FLT3: variants seen among roughly 807,000 people sequenced by gnomAD.
FLT3 encodes fms related receptor tyrosine kinase 3.
Under a neutral mutation model 126.6 loss-of-function variants are expected in FLT3, and 46 were observed. The observed-to-expected ratio is 0.36, with a 90% CI of 0.29 to 0.46. The LOEUF is 0.46. Ranked by LOEUF, FLT3 falls within the 20% of genes least tolerant of loss-of-function variation. FLT3 has a pLI of 1.00. For synonymous variants in FLT3, 404 were observed against 434.4 expected (o/e 0.93, Z 0.87); for missense variants, 1,069 against 1,190.3 (o/e 0.90, Z 1.50).
At chr13:28,054,224 G>T (rs1875804096) in intron 4 of FLT3, among the ~76,000 whole-genome samples, 1 of 152,112 alleles carries the variant, frequency 6.6e-6, no homozygotes, top group South Asian at 2.1e-4. Context: ...AGCACCTATT[G>T]CTTTATAGAC....
intron 1 of FLT3, among the ~76,000 whole-genome samples, chr13:28,086,335 T>G (rs1409100173): frequency 1.3e-5 from 2 of 152,228 alleles, no homozygotes; most frequent in Non-Finnish European, 2.9e-5. Flanking sequence ...GATGTTACAT[T>G]ACTTCGTATC....
In FLT3 at chr13:28,100,090, G is replaced by A. The variant is rs977810108; in HGVS notation, c.43+378C>T. ...GCCAGGAGAGGTCCTTGGCCACCTG[G>A]CGCCGAGTTCGCGGCCGCAGACTCC... On this transcript the variant is annotated intron_variant, in intron 1 of 23. Coordinates refer to ENST00000241453, the MANE Select transcript of FLT3 (RefSeq NM_004119.3). This position sits in a 1 kb window ranked among gnomAD's most constrained non-coding sequence, Gnocchi z 4.8. Among the ~76,000 whole-genome samples the A allele has an allele frequency of 2.0e-5, 3 of 152,114 alleles. No individual in the cohort carries two copies. The highest frequency in any genetic ancestry group is 4.8e-5 in the African/African-American group (2 of 41,452).
At position 28,003,311 on chromosome 13, in the gene FLT3, C is replaced by G. The variant is rs1870604979; in HGVS notation, c.*741G>C. 2 of 232,958 alleles carry G rather than the reference C, an allele frequency of 8.6e-6. No homozygotes were observed. The highest frequency in any genetic ancestry group is 1.8e-4 in the South Asian group (1 of 5,528). 14.4% of individuals were successfully genotyped at this position (232,958 alleles called of 1,614,324 possible). A position where few individuals can be genotyped will look rare whatever the true frequency, so the allele number is the denominator to read the frequency against. On this transcript the variant is annotated 3_prime_UTR_variant, in exon 24 of 24. Transcript: ENST00000241453. ...AGTAACTTTATTGAAAATACTAATCCTCCATGTTACTTCTGACTGGCCCTG... is the reference window on the plus strand; with the variant it reads ...AGTAACTTTATTGAAAATACTAATCGTCCATGTTACTTCTGACTGGCCCTG...
At chr13:28,044,803 C>T (rs1393505112) in intron 9 of FLT3, among the ~76,000 whole-genome samples, 3 of 152,160 alleles carry the variant, frequency 2.0e-5, no homozygotes, top group Admixed American at 6.5e-5. Flanking sequence ...GAACCATGTG[C>T]ATGGTCCTTG....
intron 9 of FLT3, among the ~76,000 whole-genome samples, chr13:28,044,219 T>C (rs1356093704): frequency 6.9e-6 from 1 of 144,250 alleles, no homozygotes; most frequent in African/African-American, 2.6e-5. Context: ...CAGGCCGAGG[T>C]GGGCGTATCA....
intron 1 of FLT3, among the ~76,000 whole-genome samples, chr13:28,096,278 C>A (rs1420299001): frequency 6.6e-6 from 1 of 151,956 alleles, no homozygotes; most frequent in Non-Finnish European, 1.5e-5. Flanking sequence ...TGCTTGAGTC[C>A]GTAAGGCAGA....
At chr13:28,049,872 C>A (rs1216176192) in intron 6 of FLT3, 98 bp from the exon 7 acceptor site, 1 of 1,306,660 alleles carries the variant, frequency 7.7e-7, no homozygotes, top group African/African-American at 1.5e-5. Flanking sequence ...TTAGCATCAT[C>A]TCAAATATTA....
Position 28,024,963 on chromosome 13 carries a change from T to C in FLT3, c.2208-20A>G. 1 of 1,445,928 alleles carries C rather than the reference T, an allele frequency of 6.9e-7. No homozygotes were observed. Among genetic ancestry groups the C allele is most frequent in the Non-Finnish European group, 9.7e-7 (1 of 1,035,724 alleles). 89.6% of individuals were successfully genotyped at this position (1,445,928 alleles called of 1,614,324 possible). On this transcript the variant is annotated intron_variant, in intron 17 of 23. Transcript: ENST00000241453. ...GGCATGCTATTAAAAAATTTTGTTT[T>C]TTCATTATTTACATTATTCTTCTCA...
chr13:28,073,978 A>AT (rs200799308), intron 1 of FLT3, among the ~76,000 whole-genome samples: 1 of 151,616 alleles, frequency 6.6e-6, no homozygotes. Context: ...AAAGAAAACA[A>AT]TTTTTTTTAA....
chr13:28,086,619 C>CGTGTGTGTGTGTGTGT (rs35797346), intron 1 of FLT3, among the ~76,000 whole-genome samples: 2 of 134,834 alleles, frequency 1.5e-5, no homozygotes, highest in Non-Finnish European at 3.2e-5. Context: ...CTGAAGAACT[C>CGTGTGTGTGTGTGTGT]GTGTGTGTGT....
At chr13:28,091,352 G>T (rs1284917234) in intron 1 of FLT3, among the ~76,000 whole-genome samples, 1 of 147,970 alleles carries the variant, frequency 6.8e-6, no homozygotes, top group African/African-American at 2.5e-5. Flanking sequence ...CTCCCGAGTA[G>T]CTGGGACTAC....
At chr13:28,089,243 C>T (rs1225218963) in intron 1 of FLT3, among the ~76,000 whole-genome samples, 2 of 152,198 alleles carry the variant, frequency 1.3e-5, no homozygotes, top group Non-Finnish European at 2.9e-5. Context: ...AATTCTCACA[C>T]ATTGTTGGGG....
At chr13:28,072,957 A>G (rs1430353830) in intron 1 of FLT3, among the ~76,000 whole-genome samples, 1 of 151,772 alleles carries the variant, frequency 6.6e-6, no homozygotes, top group East Asian at 2.0e-4. Flanking sequence ...GTGAGCCAAG[A>G]TCGTGCCACT....
chr13:28,025,295 T>G (rs1872708832), intron 17 of FLT3: 2 of 406,432 alleles, frequency 4.9e-6, no homozygotes, highest in South Asian at 3.9e-5. Context: ...TCGATCTCAT[T>G]CTTTGGTTTC....
chr13:28,030,148 C>G (rs1158679820), intron 15 of FLT3, among the ~76,000 whole-genome samples: 1 of 152,172 alleles, frequency 6.6e-6, no homozygotes, highest in African/African-American at 2.4e-5. Flanking sequence ...ATAGTGGCTT[C>G]TCCGGTGCTG....
At chr13:28,052,524 G>A (rs1381250499) in intron 5 of FLT3, 21 bp downstream of exon 5, 14 of 1,596,748 alleles carry the variant, frequency 8.8e-6, no homozygotes, top group Non-Finnish European at 1.2e-5. Context: ...GAGAATAGCA[G>A]CTACCATGGA....
intron 1 of FLT3, among the ~76,000 whole-genome samples, chr13:28,080,831 T>A (rs1780757694): frequency 6.6e-6 from 1 of 152,250 alleles, no homozygotes; most frequent in African/African-American, 2.4e-5. Flanking sequence ...TTATGACATA[T>A]GGATCAAAGT....
Position 28,033,958 on chromosome 13 carries a change from A to G in FLT3, c.1871T>C (p.Val624Ala), listed in dbSNP as rs780941129. 1 of 1,614,198 alleles carries G rather than the reference A, an allele frequency of 6.2e-7. No individual in the cohort carries two copies. Among genetic ancestry groups the G allele is most frequent in the Non-Finnish European group, 8.5e-7 (1 of 1,180,046 alleles). The change falls in exon 15 of 24, where the codon GTG becomes GCG. Residue 624 changes from valine to alanine, a missense_variant. Physicochemically the swap from Val to Ala is moderately conservative, Grantham distance 64. Coordinates refer to ENST00000241453, the MANE Select transcript of FLT3 (RefSeq NM_004119.3). ...AATTCCATAAGCTGTTGCGTTCATC[A>G]CTTTTCCAAAAGCACCTGATCCTAG... ...KVLGSGAFGK[V>A]MNATAYGISK...
intron 9 of FLT3, among the ~76,000 whole-genome samples, chr13:28,041,933 A>G (rs1329605232): frequency 6.6e-6 from 1 of 152,160 alleles, no homozygotes; most frequent in Non-Finnish European, 1.5e-5. Flanking sequence ...GAGGAGGATC[A>G]CTTGAGGTAA....
Sources: gnomAD v4.1 joint callset for allele counts (sites outside exome capture counted in the v4.1 genomes callset) on GRCh38, gnomAD v4.1.1 for gene constraint, Gnocchi (gnomAD v3.1) non-coding constraint, MANE v1.5 for transcripts, NCBI Gene and HGNC (gene_info 2026-07-23, HGNC 2026-07-21) for gene names.